Variants in SLCO1C1 observed in about 807,000 individuals in gnomAD.
SLCO1C1 encodes the protein OAT-RP-5.
A neutral mutation model predicts 76.4 loss-of-function variants in SLCO1C1; 70 were observed. The ratio of observed to expected loss-of-function variants is 0.92; its 90% confidence interval spans 0.76 to 1.12. The LOEUF is 1.12. Ranked by LOEUF, SLCO1C1 falls within the 50% of genes most tolerant of loss-of-function variation. The pLI is 0.00. For synonymous variants in SLCO1C1, 306 were observed against 286.1 expected (o/e 1.07, Z -0.70); for missense variants, 912 against 823.8 (o/e 1.11, Z -1.31).
At position 20,752,573 on chromosome 12, in the gene SLCO1C1, T is replaced by C. The variant is rs370719273; in HGVS notation, c.*45T>C. The C allele has an allele frequency of 6.2e-6, 9 of 1,445,372 alleles. No homozygotes were observed. In the African/African-American group the frequency reaches 7.1e-5, roughly 11 times the overall value. The allele number at this position is 1,445,372 out of a possible 1,614,324, so 89.5% of individuals were successfully genotyped here. On this transcript the variant is annotated 3_prime_UTR_variant, in exon 15 of 15. Transcript: ENST00000266509. ...CATGTCTTCTAATTGGTTGACATTTTGCAAACAAATAAATTGTAATCAAAA... is the reference window on the plus strand; with the variant it reads ...CATGTCTTCTAATTGGTTGACATTTCGCAAACAAATAAATTGTAATCAAAA...
chr12:20,723,058 TTTAA>T (rs1213137480), intron 8 of SLCO1C1, 28 bp from the exon 9 acceptor site: 2 of 1,585,932 alleles, frequency 1.3e-6, no homozygotes, highest in Non-Finnish European at 1.7e-6. Context: ...TGACACCAAC[TTTAA>T]TTAGTCTATG....
chr12:20,709,200 T>C (rs187408735), intron 4 of SLCO1C1, among the ~76,000 whole-genome samples: 70 of 152,316 alleles, frequency 4.6e-4, no homozygotes, highest in African/African-American at 1.5e-3. Flanking sequence ...GTCCCCGATT[T>C]AAATAATTAC....
At chr12:20,734,743 T>C (rs1254030399) in intron 10 of SLCO1C1, among the ~76,000 whole-genome samples, 2 of 152,226 alleles carry the variant, frequency 1.3e-5, no homozygotes, top group Non-Finnish European at 2.9e-5. Flanking sequence ...AGATTAAATA[T>C]TTTAAACAAA....
rs1946225743 is a variant in SLCO1C1, at chr12:20,695,399, T to G, written c.-434T>G. ...AGCAAGTAAGATCACAAGTGGTCTTTTCTTTTATTCACTCTCTCCCATAAA... is the reference window on the plus strand; with the variant it reads ...AGCAAGTAAGATCACAAGTGGTCTTGTCTTTTATTCACTCTCTCCCATAAA... On this transcript the variant is annotated 5_prime_UTR_variant, in exon 1 of 15. Transcript: ENST00000266509. 1 of 152,140 alleles carries G rather than the reference T, an allele frequency of 6.6e-6. No homozygotes were observed. Among genetic ancestry groups the G allele is most frequent in the Non-Finnish European group, 1.5e-5 (1 of 68,028 alleles). 9.4% of individuals were successfully genotyped at this position (152,140 alleles called of 1,614,324 possible).
chr12:20,731,145 A>G (rs1450401162), intron 9 of SLCO1C1, among the ~76,000 whole-genome samples: 1 of 152,148 alleles, frequency 6.6e-6, no homozygotes, highest in East Asian at 1.9e-4. Flanking sequence ...CTGTGCCTGA[A>G]GTTCTCTGGC....
chr12:20,752,307 C>A lies in SLCO1C1; in HGVS notation c.1918C>A (p.His640Asn), dbSNP rs1445238297. Residue 640 changes from histidine (H) to asparagine (N), a missense_variant and splice_region_variant, in exon 15 of 15, where the codon CAT becomes AAT. By Grantham distance (68) the His-to-Asn change is moderately conservative (BLOSUM62 1). Transcript: ENST00000266509. ...CRLYDSNVFR[H>N]IYLGLTVILG... ...AACAGAGATTCTCTCTTCTTCTAGA[C>A]ATATATATCTGGGACTAACTGTGAT... is the stretch of plus-strand genomic sequence containing the variant. The A allele has an allele frequency of 6.4e-7, 1 of 1,554,344 alleles. No individual in the cohort carries two copies. The highest frequency in any genetic ancestry group is 1.2e-5 in the South Asian group (1 of 83,302).
At position 20,743,348 on chromosome 12, in the gene SLCO1C1, A is replaced by C. The variant is rs754922995; in HGVS notation, c.1777A>C (p.Thr593Pro). 4.3e-6 allele frequency: 7 copies of C among 1,613,036 alleles called. No homozygotes were observed. The highest frequency in any genetic ancestry group is 1.7e-6 in the Non-Finnish European group (2 of 1,179,402). The part of the protein sequence containing the change: ...QLKSFALGIY[T>P]LAIRVLAGIP... The stretch of plus-strand genomic sequence containing the variant: ...TAAGTCTTTTGCCTTGGGTATCTAC[A>C]CATTAGCAATAAGAGTTCTTGGTAA... The change falls in exon 13 of 15, where the codon ACA becomes CCA. Residue 593 changes from threonine to proline, a missense_variant. By Grantham distance (38) the Thr-to-Pro change is conservative. Transcript: ENST00000266509.
chr12:20,727,281 T>C (rs1250691694), intron 9 of SLCO1C1, among the ~76,000 whole-genome samples: 6 of 152,184 alleles, frequency 3.9e-5, no homozygotes, highest in Non-Finnish European at 8.8e-5. Flanking sequence ...ATCCAAACTG[T>C]TCTCCAAAAT....
In SLCO1C1 at chr12:20,752,564, T is replaced by C. The variant is rs1949364369; in HGVS notation, c.*36T>C. 1 of 1,484,898 alleles carries C rather than the reference T, an allele frequency of 6.7e-7. No homozygotes were observed. The allele number at this position is 1,484,898 out of a possible 1,614,324, so 92.0% of individuals were successfully genotyped here. On this transcript the variant is annotated 3_prime_UTR_variant, in exon 15 of 15. Transcript: ENST00000266509. Reference sequence around the variant, plus strand: ...ACTGGAAGTCATGTCTTCTAATTGGTTGACATTTTGCAAACAAATAAATTG... The same window carrying C: ...ACTGGAAGTCATGTCTTCTAATTGGCTGACATTTTGCAAACAAATAAATTG...
chr12:20,711,350 T>C, intron 4 of SLCO1C1, 36 bp from the exon 5 acceptor site: 1 of 1,599,814 alleles, frequency 6.3e-7, no homozygotes, highest in Non-Finnish European at 8.5e-7. Flanking sequence ...ATGATGTTAA[T>C]GAGTCTATCA....
At chr12:20,736,345 G>GT (rs1948540076) in intron 10 of SLCO1C1, among the ~76,000 whole-genome samples, 1 of 149,574 alleles carries the variant, frequency 6.7e-6, no homozygotes, top group Admixed American at 6.7e-5. Context: ...TTGGGGGGGG[G>GT]TGCAAATTTT....
At chr12:20,714,333 G>A (rs1035652570) in intron 5 of SLCO1C1, among the ~76,000 whole-genome samples, 1 of 152,170 alleles carries the variant, frequency 6.6e-6, no homozygotes, top group African/African-American at 2.4e-5. Flanking sequence ...GATGATTGTT[G>A]GAGGTTGTTA....
Position 20,711,312 on chromosome 12 carries a change from C to T in SLCO1C1, c.405-74C>T, listed in dbSNP as rs112546214. On this transcript the variant is annotated intron_variant, in intron 4 of 14. Transcript: ENST00000266509. ...AGCTCAACCTGGTACCCTAACGATT[C>T]GTGTAGCATACACATAATATTCTTA... The T allele has an allele frequency of 1.7e-4, 246 of 1,487,222 alleles. 3 individuals are homozygous for T. In the African/African-American group the frequency reaches 3.0e-3, roughly 18 times the overall value. 92.1% of individuals were successfully genotyped at this position (1,487,222 alleles called of 1,614,324 possible).
At chr12:20,730,464 A>G (rs1410472454) in intron 9 of SLCO1C1, among the ~76,000 whole-genome samples, 1 of 152,164 alleles carries the variant, frequency 6.6e-6, no homozygotes. Context: ...AAATATTAAC[A>G]TTAATTAAGT....
intron 11 of SLCO1C1, among the ~76,000 whole-genome samples, chr12:20,738,858 C>T (rs1592315424): frequency 6.6e-6 from 1 of 152,190 alleles, no homozygotes; most frequent in Admixed American, 6.5e-5. Context: ...ACTTGCTTAA[C>T]TCATTTATCT....
At chr12:20,748,679 T>G (rs1949158643) in intron 13 of SLCO1C1, among the ~76,000 whole-genome samples, 1 of 152,178 alleles carries the variant, frequency 6.6e-6, no homozygotes, top group South Asian at 2.1e-4. Flanking sequence ...TCATTCTTAT[T>G]TTTTTGTTCT....
At chr12:20,703,988 CATAG>C (rs1223001670) in intron 3 of SLCO1C1, among the ~76,000 whole-genome samples, 1 of 102,180 alleles carries the variant, frequency 9.8e-6, no homozygotes, top group Admixed American at 9.9e-5. Context: ...TGTGTGTGTG[CATAG>C]ACAGACAGAA....
rs137967174 is a variant in SLCO1C1, at chr12:20,752,458, A to G, written c.2069A>G (p.Lys690Arg). 40 of 1,613,484 alleles carry G rather than the reference A, an allele frequency of 2.5e-5. No homozygotes were observed. The highest frequency in any genetic ancestry group is 2.3e-4 in the South Asian group (21 of 91,008). ...ACAATGGTGTCTACAAGATTCCAAA[A>G]GGAAAATTACACTACAAGTGATCAT... ...ERTMVSTRFQ[K>R]ENYTTSDHLL... Residue 690 changes from lysine (K) to arginine (R), a missense_variant, in exon 15 of 15, where the codon AAG becomes AGG. Coordinates refer to ENST00000266509, the MANE Select transcript of SLCO1C1 (RefSeq NM_017435.5).
chr12:20,728,552 G>C (rs1455704424), intron 9 of SLCO1C1, among the ~76,000 whole-genome samples: 1 of 151,092 alleles, frequency 6.6e-6, no homozygotes, highest in Non-Finnish European at 1.5e-5. Context: ...CAGACAAGTA[G>C]GAAAAAATTA....
Sources: gnomAD v4.1 joint callset for allele counts (sites outside exome capture counted in the v4.1 genomes callset) on GRCh38, gnomAD v4.1.1 for gene constraint, MANE v1.5 for transcripts, NCBI Gene and HGNC (gene_info 2026-07-23, HGNC 2026-07-21) for gene names.